Variants in ABCD2 observed in about 807,000 individuals in gnomAD.
ABCD2 encodes the protein ATP binding cassette subfamily D member 2.
A neutral mutation model predicts 70.9 loss-of-function variants in ABCD2; 36 were observed. The observed-to-expected ratio is 0.51, with a 90% CI of 0.39 to 0.67. ABCD2 has a LOEUF of 0.67. ABCD2 is among the 30% of genes least tolerant of loss of function. The pLI is 0.00. For synonymous variants in ABCD2, 304 were observed against 306.9 expected (o/e 0.99, Z 0.10); for missense variants, 729 against 890.2 (o/e 0.82, Z 2.30).
intron 9 of ABCD2, among the ~76,000 whole-genome samples, chr12:39,556,506 A>C (rs1485219027): frequency 6.6e-6 from 1 of 152,122 alleles, no homozygotes. Flanking sequence ...CTTGTGAAGA[A>C]GGTGCCTTTC....
chr12:39,613,310 C>T (rs1451884005), intron 2 of ABCD2, among the ~76,000 whole-genome samples: 4 of 88,718 alleles, frequency 4.5e-5, no homozygotes, highest in African/African-American at 2.3e-4. Context: ...GGCGTGAACC[C>T]GGGAGGCGGA....
At chr12:39,576,183 C>T (rs1203312441) in intron 8 of ABCD2, among the ~76,000 whole-genome samples, 3 of 152,120 alleles carry the variant, frequency 2.0e-5, no homozygotes, top group Non-Finnish European at 4.4e-5. Flanking sequence ...GTTTTTGAGA[C>T]GGAGTCTCAT....
At chr12:39,563,289 G>A (rs1162692138) in intron 9 of ABCD2, among the ~76,000 whole-genome samples, 1 of 152,126 alleles carries the variant, frequency 6.6e-6, no homozygotes, top group Non-Finnish European at 1.5e-5. Context: ...ACTTCGGGAG[G>A]CCAAGGTGGG....
At chr12:39,579,506 T>C (rs1329560340) in intron 8 of ABCD2, 29 bp downstream of exon 8, 1 of 1,529,362 alleles carries the variant, frequency 6.5e-7, no homozygotes, top group African/African-American at 1.4e-5. Context: ...AACAATGGCC[T>C]AGTAGTTACC....
the ABCD2 span, among the ~76,000 whole-genome samples, chr12:39,537,146 G>A: frequency 4.3e-4 from 65 of 151,530 alleles, no homozygotes; most frequent in African/African-American, 1.4e-3. Flanking sequence ...GACCCCCTCC[G>A]CACTCTAGAC....
chr12:39,582,882 A>G (rs2120625106), intron 7 of ABCD2, among the ~76,000 whole-genome samples: 1 of 149,780 alleles, frequency 6.7e-6, no homozygotes, highest in African/African-American at 2.5e-5. Context: ...TTTTTTAGAC[A>G]GGGTCTCACT....
At chr12:39,610,040 A>G (rs1347301615) in intron 2 of ABCD2, among the ~76,000 whole-genome samples, 2 of 152,178 alleles carry the variant, frequency 1.3e-5, no homozygotes, top group Non-Finnish European at 2.9e-5. Context: ...GCTGCAAGAG[A>G]CAGAAAATGC....
intron 9 of ABCD2, among the ~76,000 whole-genome samples, chr12:39,568,633 A>G (rs903293384): frequency 5.9e-5 from 9 of 152,090 alleles, no homozygotes; most frequent in Non-Finnish European, 1.2e-4. Context: ...AACTCGTCAA[A>G]GTCATTTTCC....
intron 5 of ABCD2, among the ~76,000 whole-genome samples, chr12:39,601,709 T>C (rs981553880): frequency 1.3e-5 from 2 of 152,064 alleles, no homozygotes; most frequent in African/African-American, 4.8e-5. Context: ...AGGATACCAA[T>C]ATTCAAGTAT....
the ABCD2 span, among the ~76,000 whole-genome samples, chr12:39,531,758 C>A: frequency 6.6e-6 from 1 of 152,188 alleles, no homozygotes; most frequent in South Asian, 2.1e-4. Flanking sequence ...CCAGATTTTG[C>A]AAGACATATA....
At chr12:39,560,413 A>T (rs901167751) in intron 9 of ABCD2, among the ~76,000 whole-genome samples, 1 of 152,110 alleles carries the variant, frequency 6.6e-6, no homozygotes, top group African/African-American at 2.4e-5. Context: ...TCTATCATTG[A>T]TGGACATTTG....
At chr12:39,576,536 T>A (rs1321228854) in intron 8 of ABCD2, among the ~76,000 whole-genome samples, 1 of 152,168 alleles carries the variant, frequency 6.6e-6, no homozygotes. Flanking sequence ...TCACTAAAAA[T>A]CCCAAATTAG....
chr12:39,563,074 T>C (rs1941284701), intron 9 of ABCD2, among the ~76,000 whole-genome samples: 2 of 152,166 alleles, frequency 1.3e-5, no homozygotes, highest in Admixed American at 1.3e-4. Context: ...ATGATTATCT[T>C]AATTGACACA....
At chr12:39,587,762 A>T (rs1456018617) in intron 6 of ABCD2, among the ~76,000 whole-genome samples, 1 of 152,206 alleles carries the variant, frequency 6.6e-6, no homozygotes, top group Non-Finnish European at 1.5e-5. Flanking sequence ...AATTAAACCA[A>T]CAAGAACGAA....
At chr12:39,540,119 T>C in the ABCD2 span, among the ~76,000 whole-genome samples, 1 of 152,234 alleles carries the variant, frequency 6.6e-6, no homozygotes, top group South Asian at 2.1e-4. Flanking sequence ...CAGCAAGGGC[T>C]GTTGTTCTTG....
intron 9 of ABCD2, among the ~76,000 whole-genome samples, chr12:39,564,718 G>C (rs866564985): frequency 6.6e-5 from 10 of 152,202 alleles, no homozygotes; most frequent in Admixed American, 2.0e-4. Context: ...CCTATGTCCT[G>C]AATGGTATTG....
At chr12:39,612,404 T>C (rs1345328285) in intron 2 of ABCD2, among the ~76,000 whole-genome samples, 3 of 152,216 alleles carry the variant, frequency 2.0e-5, no homozygotes, top group Non-Finnish European at 4.4e-5. Context: ...TCAATAAATA[T>C]GCTATGGTTA....
the ABCD2 span, among the ~76,000 whole-genome samples, chr12:39,534,246 T>C: frequency 2.0e-5 from 3 of 152,192 alleles, no homozygotes; most frequent in South Asian, 2.1e-4. Context: ...TGCAATGCTG[T>C]AAGGAATAAA....
rs1318254931 is a variant in ABCD2 at position 39,552,583 on chromosome 12, C to T, written c.*1329G>A. On this transcript the variant is annotated 3_prime_UTR_variant, in exon 10 of 10. Coordinates refer to ENST00000308666, the MANE Select transcript of ABCD2 (RefSeq NM_005164.4). Reference sequence around the variant, plus strand: ...CAAAACCATAATTATTTGCCCTTCTCATTGCTAATGCCTTAGAGGTACATT... The same window carrying T: ...CAAAACCATAATTATTTGCCCTTCTTATTGCTAATGCCTTAGAGGTACATT... The T allele has an allele frequency of 2.0e-5, 3 of 151,942 alleles. No homozygotes were observed. Among genetic ancestry groups the T allele is most frequent in the Non-Finnish European group, 4.4e-5 (3 of 67,856 alleles). The allele number at this position is 151,942 out of a possible 1,614,324, so 9.4% of individuals were successfully genotyped here.
Sources: gnomAD v4.1 joint callset for allele counts (sites outside exome capture counted in the v4.1 genomes callset) on GRCh38, gnomAD v4.1.1 for gene constraint, MANE v1.5 for transcripts, NCBI Gene and HGNC (gene_info 2026-07-23, HGNC 2026-07-21) for gene names.